Variants in C8orf34 observed in about 807,000 individuals in gnomAD.
The protein encoded by C8orf34 is uncharacterized protein C8orf34.
A neutral mutation model predicts 68.3 loss-of-function variants in C8orf34; 65 were observed. The ratio of observed to expected loss-of-function variants is 0.95; its 90% CI spans 0.78 to 1.17. The LOEUF (loss-of-function observed/expected upper bound fraction) is 1.17. C8orf34 is among the 50% of genes most tolerant of loss of function. The pLI is 0.00. For missense variants in C8orf34, 664 were observed against 655.4 expected, an observed-to-expected ratio of 1.01 and a Z score of -0.14; for synonymous variants, 244 against 241.2, an observed-to-expected ratio of 1.01 and a Z score of -0.11.
At chr8:68,427,537 A>G (rs1396116539) in intron 1 of C8orf34, among the ~76,000 whole-genome samples, 1 of 152,166 alleles carries the variant, frequency 6.6e-6, no homozygotes, top group Non-Finnish European at 1.5e-5. Context: ...TAGGGGTTAG[A>G]TATAGAGGGA....
intron 4 of C8orf34, among the ~76,000 whole-genome samples, chr8:68,472,955 C>G (rs1033939246): frequency 6.6e-6 from 1 of 152,134 alleles, no homozygotes; most frequent in Non-Finnish European, 1.5e-5. Context: ...CATCACTGCT[C>G]TAACTAATGT....
rs1563687192 is a variant in C8orf34, at chr8:68,818,576, T to G, written c.*330T>G. The G allele has an allele frequency of 9.1e-6, 2 of 219,542 alleles. No individual in the cohort carries two copies. Among genetic ancestry groups the G allele is most frequent in the East Asian group, 2.0e-4 (2 of 9,922 alleles). 13.6% of individuals were successfully genotyped at this position (219,542 alleles called of 1,614,324 possible). A position where few individuals can be genotyped will look rare whatever the true frequency, so the allele number is the denominator to read the frequency against. On this transcript the variant is annotated 3_prime_UTR_variant, in exon 14 of 14. Coordinates refer to ENST00000518698, the MANE Select transcript of C8orf34 (RefSeq NM_052958.4). ...GATTCAAATAACTTTGCTTAAAATT[T>G]TTCTGTATTTTAACTTGTCTAGGGT... is the stretch of plus-strand genomic sequence containing the variant.
At chr8:68,454,147 T>A (rs1176989496) in intron 3 of C8orf34, among the ~76,000 whole-genome samples, 1 of 152,054 alleles carries the variant, frequency 6.6e-6, no homozygotes, top group East Asian at 1.9e-4. Context: ...ATCCTTTTAA[T>A]ATGCTGCTGG....
intron 7 of C8orf34, among the ~76,000 whole-genome samples, chr8:68,621,770 T>C (rs902632437): frequency 6.6e-6 from 1 of 152,234 alleles, no homozygotes; most frequent in Non-Finnish European, 1.5e-5. Flanking sequence ...CTGAAGTAAT[T>C]CTTCAAGACT....
intron 1 of C8orf34, among the ~76,000 whole-genome samples, chr8:68,411,688 G>T (rs1809451372): frequency 6.6e-6 from 1 of 152,158 alleles, no homozygotes; most frequent in Non-Finnish European, 1.5e-5. Flanking sequence ...GGTATTCATT[G>T]TCTGTGAATT....
intron 1 of C8orf34, among the ~76,000 whole-genome samples, chr8:68,354,345 CTT>C (rs752029009): frequency 1.3e-5 from 2 of 151,870 alleles, no homozygotes; most frequent in South Asian, 2.1e-4. Flanking sequence ...TTCTTACAGA[CTT>C]TTTTTGTTTT....
At chr8:68,559,819 G>C (rs1302767200) in intron 7 of C8orf34, among the ~76,000 whole-genome samples, 1 of 152,200 alleles carries the variant, frequency 6.6e-6, no homozygotes, top group Non-Finnish European at 1.5e-5. Context: ...GATGTAGCAA[G>C]AATGTGACTC....
intron 1 of C8orf34, among the ~76,000 whole-genome samples, chr8:68,358,713 AT>A (rs11458417): frequency 0.13 from 18,516 of 146,684 alleles, 1,279 homozygotes; most frequent in African/African-American, 0.18. Flanking sequence ...ATATTTATTT[AT>A]TTTTTTTTTG....
chr8:68,336,588 T>G (rs2129617839), intron 1 of C8orf34, among the ~76,000 whole-genome samples: 1 of 152,202 alleles, frequency 6.6e-6, no homozygotes, highest in South Asian at 2.1e-4. Context: ...CAAATATAGA[T>G]TTGTATGTAT....
At chr8:68,339,932 TAAG>T (rs1806002245) in intron 1 of C8orf34, among the ~76,000 whole-genome samples, 1 of 151,852 alleles carries the variant, frequency 6.6e-6, no homozygotes, top group Non-Finnish European at 1.5e-5. Flanking sequence ...AACACTATGA[TAAG>T]AAGAGAAAAA....
rs572253766 is a variant in C8orf34 at position 68,644,682 on chromosome 8, T to C, written c.1241+4171T>C. ...GGAGAAGGATCCAGTGCCAAGAAGA[T>C]ACAGACAGCATTCTAATGTCTCTGA... is the stretch of plus-strand genomic sequence containing the variant. On this transcript the variant is annotated intron_variant, in intron 8 of 13. Coordinates refer to ENST00000518698, the MANE Select transcript of C8orf34 (RefSeq NM_052958.4). Among the ~76,000 whole-genome samples the C allele has an allele frequency of 5.9e-5, 9 of 152,224 alleles. No homozygotes were observed. In the South Asian group the frequency reaches 1.9e-3, roughly 32 times the overall value.
chr8:68,505,974 T>C (rs1282948561), intron 5 of C8orf34, among the ~76,000 whole-genome samples: 1 of 152,182 alleles, frequency 6.6e-6, no homozygotes, highest in Non-Finnish European at 1.5e-5. Flanking sequence ...GTAACTACCA[T>C]GTAGCTAAAA....
At chr8:68,414,549 C>T (rs1033705433) in intron 1 of C8orf34, among the ~76,000 whole-genome samples, 2 of 152,102 alleles carry the variant, frequency 1.3e-5, no homozygotes, top group Non-Finnish European at 2.9e-5. Flanking sequence ...TTCATTCTTT[C>T]GTTTATCAAA....
At chr8:68,464,020 CA>C (rs1241812427) in intron 3 of C8orf34, among the ~76,000 whole-genome samples, 3 of 152,132 alleles carry the variant, frequency 2.0e-5, no homozygotes, top group Non-Finnish European at 4.4e-5. Context: ...TTGCAGATGA[CA>C]TGATTGTATA....
chr8:68,408,977 C>A (rs997687950), intron 1 of C8orf34, among the ~76,000 whole-genome samples: 1 of 152,028 alleles, frequency 6.6e-6, no homozygotes, highest in Admixed American at 6.6e-5. Context: ...TTAGTAGAGA[C>A]GCGGTTTCAC....
At chr8:68,672,861 C>A (rs952913317) in intron 8 of C8orf34, among the ~76,000 whole-genome samples, 1 of 152,090 alleles carries the variant, frequency 6.6e-6, no homozygotes, top group Admixed American at 6.6e-5. Flanking sequence ...TGGAAAGACA[C>A]CTCCCCTCCA....
chr8:68,615,858 A>C (rs554242510), intron 7 of C8orf34, among the ~76,000 whole-genome samples: 25 of 151,834 alleles, frequency 1.6e-4, no homozygotes, highest in Middle Eastern at 3.4e-3. Flanking sequence ...TAGTTTCAGA[A>C]GGAATGGTAC....
chr8:68,462,872 A>T (rs918262802), intron 3 of C8orf34, among the ~76,000 whole-genome samples: 3 of 152,160 alleles, frequency 2.0e-5, no homozygotes, highest in Non-Finnish European at 4.4e-5. Flanking sequence ...TAACATCACA[A>T]TTAAAAGAAC....
At chr8:68,367,795 T>G (rs565472619) in intron 1 of C8orf34, among the ~76,000 whole-genome samples, 150 of 139,842 alleles carry the variant, frequency 1.1e-3, no homozygotes, top group African/African-American at 3.8e-3. Context: ...ATATACCTAA[T>G]GCTAGATGAC....
Sources: allele counts gnomAD v4.1 joint callset (sites outside exome capture counted in the v4.1 genomes callset), GRCh38; gene constraint gnomAD v4.1.1; transcripts MANE v1.5; gene names NCBI Gene and HGNC (gene_info 2026-07-23, HGNC 2026-07-21).